The following ERC2 variants were observed in gnomAD, a reference collection of about 807,000 sequenced individuals.
ERC2 encodes ELKS/RAB6-interacting/CAST family member 2.
A neutral mutation model predicts 114.8 loss-of-function variants in ERC2; 42 were observed. That is an observed-to-expected ratio of 0.37 (90% CI 0.29 to 0.47). ERC2 has a LOEUF of 0.47. ERC2 is among the 20% of genes least tolerant of loss of function. ERC2 has a pLI of 0.99. For missense variants in ERC2, 939 were observed against 1,150.7 expected (o/e 0.82, Z 2.66); for synonymous variants, 454 against 425.5 (o/e 1.07, Z -0.82).
chr3:55,938,058 C>T (rs1028381100), intron 13 of ERC2, among the ~76,000 whole-genome samples: 1 of 152,136 alleles, frequency 6.6e-6, no homozygotes, highest in Admixed American at 6.5e-5. Flanking sequence ...AGCCCTACGC[C>T]CACATTTCCT....
At chr3:56,250,266 C>G (rs1234478830) in intron 3 of ERC2, among the ~76,000 whole-genome samples, 1 of 152,216 alleles carries the variant, frequency 6.6e-6, no homozygotes, top group African/African-American at 2.4e-5. Flanking sequence ...AACTAGGGCC[C>G]ATGCCATGCT....
chr3:56,347,600 T>A (rs530220872), intron 2 of ERC2, among the ~76,000 whole-genome samples: 1 of 152,014 alleles, frequency 6.6e-6, no homozygotes, highest in East Asian at 1.9e-4. Context: ...AGACCCCCAA[T>A]CCCAGCCTGC....
intron 17 of ERC2, chr3:55,658,433 T>G (rs1559460202): frequency 6.6e-6 from 1 of 152,212 alleles, no homozygotes. Flanking sequence ...GATAGCTCCC[T>G]CTGAGTGACC....
chr3:56,270,775 T>G lies in ERC2; in HGVS notation c.1074+25244A>C, dbSNP rs554917164. On this transcript the variant is annotated intron_variant, in intron 3 of 17. Coordinates refer to ENST00000288221, the MANE Select transcript of ERC2 (RefSeq NM_015576.3). The stretch of plus-strand genomic sequence containing the variant: ...TGGGCGGATCACGAGGTCAGGAGAT[T>G]GAGACCATCCTGTCTAACACAGTGA... 3.0e-4 allele frequency among the ~76,000 whole-genome samples: 45 copies of G among 152,204 alleles called. No homozygotes were observed. In the Middle Eastern group the frequency reaches 0.014, roughly 46 times the overall value.
At chr3:55,768,140 T>C (rs1001516669) in intron 14 of ERC2, among the ~76,000 whole-genome samples, 1 of 152,234 alleles carries the variant, frequency 6.6e-6, no homozygotes, top group South Asian at 2.1e-4. Context: ...TCCCCAGCCA[T>C]GCTTCTGGTA....
chr3:55,866,639 T>C (rs766702109), intron 14 of ERC2, among the ~76,000 whole-genome samples: 3 of 152,220 alleles, frequency 2.0e-5, no homozygotes, highest in Non-Finnish European at 4.4e-5. Flanking sequence ...TTCACCTTTG[T>C]GCATGATGTG....
At chr3:55,970,309 T>C (rs1266951854) in intron 12 of ERC2, among the ~76,000 whole-genome samples, 3 of 152,124 alleles carry the variant, frequency 2.0e-5, no homozygotes, top group Non-Finnish European at 1.5e-5. Context: ...TAAAAAAATT[T>C]AGTATTGTGT....
chr3:55,698,829 T>A (rs2063073120), intron 16 of ERC2, among the ~76,000 whole-genome samples: 1 of 152,204 alleles, frequency 6.6e-6, no homozygotes, highest in Non-Finnish European at 1.5e-5. Context: ...TTTTTGTTTT[T>A]GTCAATCCAT....
At chr3:55,739,440 A>G (rs2065846241) in intron 14 of ERC2, among the ~76,000 whole-genome samples, 1 of 152,092 alleles carries the variant, frequency 6.6e-6, no homozygotes, top group Admixed American at 6.6e-5. Flanking sequence ...TGACTTTTTA[A>G]TGATCGCCAT....
chr3:56,235,340 G>C (rs2050873333), intron 3 of ERC2, among the ~76,000 whole-genome samples: 1 of 152,200 alleles, frequency 6.6e-6, no homozygotes, highest in South Asian at 2.1e-4. Flanking sequence ...AGTTGTAATA[G>C]TGATATTTGC....
chr3:55,920,446 A>C (rs201156592), intron 13 of ERC2, among the ~76,000 whole-genome samples: 38 of 145,550 alleles, frequency 2.6e-4, no homozygotes, highest in African/African-American at 6.6e-4. Flanking sequence ...ACACACACAC[A>C]CCCCAAGTGA....
At chr3:56,083,718 G>A (rs1367549320) in intron 6 of ERC2, among the ~76,000 whole-genome samples, 1 of 152,078 alleles carries the variant, frequency 6.6e-6, no homozygotes, top group Non-Finnish European at 1.5e-5. Context: ...GGTTGGATAA[G>A]GTTCCCATGG....
At chr3:55,711,705 C>T (rs1400613422) in intron 15 of ERC2, among the ~76,000 whole-genome samples, 1 of 152,214 alleles carries the variant, frequency 6.6e-6, no homozygotes, top group African/African-American at 2.4e-5. Flanking sequence ...AAGTGATGGG[C>T]ATTTGGGTCA....
intron 14 of ERC2, among the ~76,000 whole-genome samples, chr3:55,832,483 T>A (rs923992350): frequency 2.0e-5 from 3 of 152,210 alleles, no homozygotes; most frequent in Non-Finnish European, 4.4e-5. Context: ...CTGCTGCGGA[T>A]ACCCAGGCAA....
Position 56,010,732 on chromosome 3 carries a change from G to A in ERC2, c.1780-143C>T, listed in dbSNP as rs781673333. On this transcript the variant is annotated intron_variant, in intron 8 of 17. Transcript: ENST00000288221. ...ACACAAGAAAATCAAAATTGGATTC[G>A]TGGGGAGGCTGTGCATAACAGCACT... 193 of 940,260 alleles carry A rather than the reference G, an allele frequency of 2.1e-4. 2 individuals carry two copies. The highest frequency in any genetic ancestry group is 2.9e-4 in the Non-Finnish European group (185 of 641,868). 58.2% of individuals were successfully genotyped at this position (940,260 alleles called of 1,614,324 possible). A position where few individuals can be genotyped will look rare whatever the true frequency, so the allele number is the denominator to read the frequency against.
chr3:56,035,582 G>A (rs1457945949), intron 7 of ERC2, among the ~76,000 whole-genome samples: 1 of 152,152 alleles, frequency 6.6e-6, no homozygotes, highest in East Asian at 1.9e-4. Context: ...ATGGATTAAC[G>A]CCATTATAAA....
chr3:56,400,444 T>C (rs2060480115), intron 2 of ERC2, among the ~76,000 whole-genome samples: 1 of 152,218 alleles, frequency 6.6e-6, no homozygotes, highest in South Asian at 2.1e-4. Context: ...GTTATAAATA[T>C]CTGAAATATA....
chr3:55,791,040 C>G (rs1411972949), intron 14 of ERC2, among the ~76,000 whole-genome samples: 2 of 152,168 alleles, frequency 1.3e-5, no homozygotes, highest in Non-Finnish European at 1.5e-5. Context: ...TCATGAGACT[C>G]AAGGAGAACT....
At chr3:55,766,171 G>A (rs2067770066) in intron 14 of ERC2, among the ~76,000 whole-genome samples, 2 of 151,892 alleles carry the variant, frequency 1.3e-5, no homozygotes, top group South Asian at 4.2e-4. Flanking sequence ...GCCAAAACCT[G>A]CTGTGGCCAA....
Sources: gnomAD v4.1 joint callset for allele counts (sites outside exome capture counted in the v4.1 genomes callset) on GRCh38, gnomAD v4.1.1 for gene constraint, MANE v1.5 for transcripts, NCBI Gene and HGNC (gene_info 2026-07-23, HGNC 2026-07-21) for gene names.